CNIH3: variants seen among roughly 807,000 people sequenced by gnomAD.
CNIH3 encodes protein cornichon homolog 3.
In CNIH3, 14 loss-of-function variants were observed where a neutral mutation model predicts 24.1. The ratio of observed to expected loss-of-function variants is 0.58; its 90% CI spans 0.38 to 0.91. The LOEUF (loss-of-function observed/expected upper bound fraction) is 0.91, where lower values mean the gene tolerates loss of function less well. Ranked by LOEUF, CNIH3 falls within the 40% of genes least tolerant of loss-of-function variation. CNIH3 has a pLI of 0.00. For synonymous variants in CNIH3, 68 were observed against 73.8 expected, an observed-to-expected ratio of 0.92 and a Z score of 0.40; for missense variants, 178 against 196.8, an observed-to-expected ratio of 0.90 and a Z score of 0.57.
chr1:224,579,756 TC>T (rs903959690), intron 4 of CNIH3, among the ~76,000 whole-genome samples: 2 of 151,974 alleles, frequency 1.3e-5, no homozygotes, highest in South Asian at 2.1e-4. Context: ...CCTGGAACTT[TC>T]CCCCCCTCTC....
intron 3 of CNIH3, among the ~76,000 whole-genome samples, chr1:224,728,890 C>T (rs6660579): frequency 0.12 from 18,922 of 152,214 alleles, 1,209 homozygotes; most frequent in South Asian, 0.2. Context: ...TGTACAAAGG[C>T]GCTTTGCAAA....
At chr1:224,557,270 A>G (rs1387599450) in intron 3 of CNIH3, among the ~76,000 whole-genome samples, 1 of 151,628 alleles carries the variant, frequency 6.6e-6, no homozygotes, top group Non-Finnish European at 1.5e-5. Flanking sequence ...CTGGTCTCAA[A>G]CTCCTGGGCT....
chr1:224,529,141 T>C (rs1161534450), intron 2 of CNIH3: 2 of 152,250 alleles, frequency 1.3e-5, no homozygotes, highest in Non-Finnish European at 2.9e-5. Context: ...TCAGGTGGCC[T>C]CCTGCATCTT....
downstream of CNIH3, among the ~76,000 whole-genome samples, chr1:224,591,636 A>G (rs148612364): frequency 6.6e-6 from 1 of 152,296 alleles, no homozygotes; most frequent in Non-Finnish European, 1.5e-5. Flanking sequence ...CTATGCCGTA[A>G]AACAGCCCAT....
At chr1:224,618,211 C>G (rs1572597561) in intron 1 of CNIH3, among the ~76,000 whole-genome samples, 2 of 152,244 alleles carry the variant, frequency 1.3e-5, no homozygotes, top group Non-Finnish European at 2.9e-5. Context: ...GCTTCCTTCT[C>G]TGAGGTTGTT....
intron 1 of CNIH3, among the ~76,000 whole-genome samples, chr1:224,517,926 G>A (rs1415920008): frequency 6.6e-6 from 1 of 152,162 alleles, no homozygotes; most frequent in East Asian, 1.9e-4. Context: ...TGATGGGGGT[G>A]CCTTGAGGAG....
chr1:224,486,244 T>G lies in CNIH3; in HGVS notation n.204-29497T>G, dbSNP rs910992405. 4.6e-5 allele frequency among the ~76,000 whole-genome samples: 7 copies of G among 152,138 alleles called. No individual in the cohort carries two copies. The East Asian group carries it at 1.3e-3, about 29-fold the overall frequency. ...CCTCAGCCTCCCCAGAAGCTGGGAC[T>G]ACAGGGGCATGCCACCATGCCCAGC... is the stretch of plus-strand genomic sequence containing the variant. On this transcript the variant is annotated intron_variant and non_coding_transcript_variant, in intron 1 of 5. Coordinates refer to the CNIH3 transcript ENST00000471578.
rs958964654 is a variant in CNIH3 at position 224,609,932 on chromosome 1, G to A, written n.402+43668G>A. ...TGGGTACACTTTACAGACAGTCCCC[G>A]ACTTATGACTGTTCATCTTAAGATT... On this transcript the variant is annotated intron_variant and non_coding_transcript_variant, in intron 3 of 7. Coordinates refer to the CNIH3 transcript ENST00000478120. 2.6e-5 allele frequency among the ~76,000 whole-genome samples: 4 copies of A among 152,172 alleles called. No homozygotes were observed. The East Asian group carries it at 7.7e-4, about 29-fold the overall frequency.
chr1:224,595,122 C>CTG (rs1483131950), intron 3 of CNIH3, among the ~76,000 whole-genome samples: 3 of 152,230 alleles, frequency 2.0e-5, no homozygotes, highest in Non-Finnish European at 4.4e-5. Flanking sequence ...TCAGAGCTCA[C>CTG]TGTAGCCTTG....
intron 3 of CNIH3, among the ~76,000 whole-genome samples, chr1:224,548,277 C>T (rs59034185): frequency 0.06 from 9,139 of 151,970 alleles, 930 homozygotes; most frequent in African/African-American, 0.21. Context: ...TTAATGTACA[C>T]CCTATGTGTA....
intron 1 of CNIH3, among the ~76,000 whole-genome samples, chr1:224,671,177 C>T (rs1685847217): frequency 6.6e-6 from 1 of 152,138 alleles, no homozygotes; most frequent in South Asian, 2.1e-4. Context: ...AGATATTTTT[C>T]TGTGCATATA....
rs1674806038 is a variant in CNIH3, at chr1:224,439,604, T to C, written n.203+4742T>C. 3.3e-5 allele frequency among the ~76,000 whole-genome samples: 5 copies of C among 152,094 alleles called. No homozygotes were observed. In the South Asian group the frequency reaches 1.0e-3, roughly 32 times the overall value. On this transcript the variant is annotated intron_variant and non_coding_transcript_variant, in intron 1 of 5. Transcript: ENST00000471578. ...AAAGATAGTCACTGAAACATTATTATTTACTTTTATTTATATATTTATTTT... is the reference window on the plus strand; with the variant it reads ...AAAGATAGTCACTGAAACATTATTACTTACTTTTATTTATATATTTATTTT...
At chr1:224,590,728 G>T (rs1199274587), downstream of CNIH3, among the ~76,000 whole-genome samples, 1 of 152,180 alleles carries the variant, frequency 6.6e-6, no homozygotes, top group East Asian at 1.9e-4. Context: ...TTGGGATTAA[G>T]TTCCTAACAT....
chr1:224,672,432 G>A (rs1408373288), intron 1 of CNIH3, among the ~76,000 whole-genome samples: 1 of 152,166 alleles, frequency 6.6e-6, no homozygotes, highest in Non-Finnish European at 1.5e-5. Context: ...CAGGTGGGTG[G>A]CTTAAAACAA....
At chr1:224,724,311 C>G (rs2125229859) in intron 3 of CNIH3, among the ~76,000 whole-genome samples, 1 of 152,284 alleles carries the variant, frequency 6.6e-6, no homozygotes, top group East Asian at 1.9e-4. Context: ...CCTGACACAG[C>G]AAGGCCTATG....
At chr1:224,558,902 G>C (rs926454599) in intron 3 of CNIH3, among the ~76,000 whole-genome samples, 1 of 152,164 alleles carries the variant, frequency 6.6e-6, no homozygotes, top group East Asian at 1.9e-4. Flanking sequence ...TAATTATATT[G>C]CTGTGAACTA....
intron 1 of CNIH3, among the ~76,000 whole-genome samples, chr1:224,505,268 T>A (rs1214087436): frequency 6.7e-6 from 1 of 148,680 alleles, no homozygotes; most frequent in African/African-American, 2.5e-5. Context: ...CACTGCACTG[T>A]AGCCGGGGTG....
Position 224,704,242 on chromosome 1 carries a change from T to C in CNIH3, c.198+19399T>C, listed in dbSNP as rs887731109. ...AGGAGTGGAGACACAGCCCCTTCTC[T>C]CCTAGAAGCAGAGGCACGGGAACAA... is the stretch of plus-strand genomic sequence containing the variant. On this transcript the variant is annotated intron_variant, in intron 3 of 5. Coordinates refer to ENST00000272133, the MANE Select transcript of CNIH3 (RefSeq NM_152495.2). The surrounding 1 kb of genome is among the most constrained non-coding windows in gnomAD (Gnocchi z 4.2). Among the ~76,000 whole-genome samples, 2 of 152,058 alleles carry C rather than the reference T, an allele frequency of 1.3e-5. No individual in the cohort carries two copies. Among genetic ancestry groups the C allele is most frequent in the African/African-American group, 4.8e-5 (2 of 41,384 alleles).
intron 1 of CNIH3, among the ~76,000 whole-genome samples, chr1:224,442,468 G>GT (rs1674961920): frequency 6.6e-6 from 1 of 152,180 alleles, no homozygotes; most frequent in Non-Finnish European, 1.5e-5. Flanking sequence ...AAGTAGATGT[G>GT]TTTTTAAGAT....
Sources: allele counts gnomAD v4.1 joint callset (sites outside exome capture counted in the v4.1 genomes callset), GRCh38; gene constraint gnomAD v4.1.1; non-coding constraint Gnocchi (gnomAD v3.1); transcripts MANE v1.5; gene names NCBI Gene and HGNC (gene_info 2026-07-23, HGNC 2026-07-21).